Variants in PRKCI observed in about 807,000 individuals in gnomAD.
The protein encoded by PRKCI is protein kinase C iota, also known as protein kinase C iota type.
Under a neutral mutation model 84.0 loss-of-function variants are expected in PRKCI, and 43 were observed. The observed-to-expected ratio is 0.51, with a 90% CI of 0.40 to 0.66. PRKCI has a LOEUF of 0.66. Ranked by LOEUF, PRKCI falls within the 30% of genes least tolerant of loss-of-function variation. The probability of loss-of-function intolerance (pLI) is 0.00; values close to 1 mark genes in which losing one functional copy is unlikely to be tolerated. For missense variants in PRKCI, 459 were observed against 745.6 expected, an observed-to-expected ratio of 0.62 and a Z score of 4.48; for synonymous variants, 216 against 234.4, an observed-to-expected ratio of 0.92 and a Z score of 0.72.
chr3:170,249,382 CAGAGAGAGAGAGAGAAAGGAG>C (rs925605979), intron 2 of PRKCI, among the ~76,000 whole-genome samples: 2 of 149,818 alleles, frequency 1.3e-5, no homozygotes, highest in Non-Finnish European at 3.0e-5. Context: ...TCATTTACGA[CAGAGAGAGAGAGAGAAAGGAG>C]AGAGAGAGAG....
At chr3:170,293,805 C>T (rs563546530) in intron 14 of PRKCI, among the ~76,000 whole-genome samples, 9 of 151,990 alleles carry the variant, frequency 5.9e-5, no homozygotes, top group South Asian at 4.2e-4. Flanking sequence ...GGCACACTCC[C>T]GAGTAACTGG....
chr3:170,229,559 A>T (rs2108834507), intron 1 of PRKCI, among the ~76,000 whole-genome samples: 1 of 152,344 alleles, frequency 6.6e-6, no homozygotes. Context: ...GGCCTCTCAA[A>T]GTGTAGAAAT....
intron 8 of PRKCI, among the ~76,000 whole-genome samples, chr3:170,279,842 T>C (rs1339685070): frequency 3.9e-5 from 6 of 152,318 alleles, no homozygotes; most frequent in African/African-American, 1.2e-4. Context: ...GTCAATCTTA[T>C]CCTAGCCACA....
intron 10 of PRKCI, 137 bp from the exon 11 acceptor site, chr3:170,281,745 T>C: frequency 8.1e-7 from 1 of 1,240,046 alleles, no homozygotes; most frequent in East Asian, 2.6e-5. Flanking sequence ...AGATACCCTT[T>C]GTTTCCACCA....
chr3:170,292,763 C>T (rs1040928825), intron 13 of PRKCI, among the ~76,000 whole-genome samples: 16 of 149,796 alleles, frequency 1.1e-4, no homozygotes. Flanking sequence ...AACATATAGC[C>T]GGGCGCGGTG....
intron 1 of PRKCI, among the ~76,000 whole-genome samples, chr3:170,230,572 C>A (rs981949979): frequency 1.3e-5 from 2 of 152,242 alleles, no homozygotes; most frequent in African/African-American, 4.8e-5. Flanking sequence ...TCAAGTGATT[C>A]ACCCGCTGTG....
chr3:170,269,649 AAAAT>A (rs1179610613), intron 5 of PRKCI, among the ~76,000 whole-genome samples: 3 of 152,062 alleles, frequency 2.0e-5, no homozygotes, highest in Non-Finnish European at 2.9e-5. Context: ...CTGTCTCTTA[AAAAT>A]AAATAAATAA....
intron 8 of PRKCI, among the ~76,000 whole-genome samples, chr3:170,278,280 C>G (rs977687934): frequency 3.3e-5 from 5 of 152,214 alleles, no homozygotes; most frequent in African/African-American, 1.2e-4. Context: ...TTACACTTCT[C>G]TTCTTTCTTA....
intron 2 of PRKCI, among the ~76,000 whole-genome samples, chr3:170,251,500 C>T (rs1733443728): frequency 6.6e-6 from 1 of 152,066 alleles, no homozygotes; most frequent in South Asian, 2.1e-4. Flanking sequence ...TATAAATAGT[C>T]AATTCATAAA....
intron 1 of PRKCI, among the ~76,000 whole-genome samples, chr3:170,229,718 G>T (rs1395030681): frequency 6.6e-6 from 1 of 152,122 alleles, no homozygotes; most frequent in African/African-American, 2.4e-5. Context: ...TGTAAATATG[G>T]TCAAAGATAT....
Position 170,281,906 on chromosome 3 carries a change from A to G in PRKCI, c.1005A>G (p.Val335=). The G allele has an allele frequency of 1.2e-6, 2 of 1,611,286 alleles. No homozygotes were observed. The highest frequency in any genetic ancestry group is 1.7e-6 in the Non-Finnish European group (2 of 1,178,710). The change falls in exon 11 of 18, where the codon GTA becomes GTG. Residue 335 remains valine (V), a synonymous_variant. Coordinates refer to ENST00000295797, the MANE Select transcript of PRKCI (RefSeq NM_002740.6). Reference sequence around the variant, plus strand: ...GATTGTTCTTTGTTATAGAGTATGTAAATGGAGGAGACCTAATGTTTCATA... The same window carrying G: ...GATTGTTCTTTGTTATAGAGTATGTGAATGGAGGAGACCTAATGTTTCATA... ...ESRLFFVIEY[V]NGGDLMFHMQ... is the part of the protein sequence containing the mutation.
rs184132731 is a variant in PRKCI at position 170,257,168 on chromosome 3, T to G, written c.224-2801T>G. Among the ~76,000 whole-genome samples the G allele has an allele frequency of 3.2e-3, 486 of 152,326 alleles. 1 individual carries two copies. The highest frequency in any genetic ancestry group is 0.01 in the African/African-American group (429 of 41,584). The stretch of plus-strand genomic sequence containing the variant: ...GTGGGTATATAGGGGAAAACAACAT[T>G]TTGAAATATGTTTCAAATTTTCCAG... On this transcript the variant is annotated intron_variant, in intron 2 of 17. Coordinates refer to ENST00000295797, the MANE Select transcript of PRKCI (RefSeq NM_002740.6).
intron 2 of PRKCI, among the ~76,000 whole-genome samples, chr3:170,259,160 A>G (rs1368688749): frequency 6.6e-6 from 1 of 152,156 alleles, no homozygotes; most frequent in African/African-American, 2.4e-5. Context: ...AAAAGAAAAA[A>G]AATGTGGTCA....
chr3:170,256,993 G>A (rs936745989), intron 2 of PRKCI, among the ~76,000 whole-genome samples: 1 of 151,886 alleles, frequency 6.6e-6, no homozygotes, highest in East Asian at 1.9e-4. Flanking sequence ...AGTCCATCTT[G>A]TTACTGATTT....
At chr3:170,275,635 T>G (rs2108856278) in intron 8 of PRKCI, among the ~76,000 whole-genome samples, 1 of 152,290 alleles carries the variant, frequency 6.6e-6, no homozygotes, top group East Asian at 1.9e-4. Context: ...AATAAATGAT[T>G]AAACATATTA....
intron 1 of PRKCI, among the ~76,000 whole-genome samples, chr3:170,234,856 G>A (rs1230167875): frequency 6.6e-6 from 1 of 151,706 alleles, no homozygotes; most frequent in African/African-American, 2.4e-5. Context: ...AGGCTGGAGT[G>A]CAGTGATGTG....
In PRKCI at chr3:170,292,254, A is replaced by G. The variant is rs546941233; in HGVS notation, c.1291+313A>G. Reference sequence around the variant, plus strand: ...TTAACAACCCTGTGAGGTAAGTACTATTAATTCTCCTTTTACAGTTGAAGA... The same window carrying G: ...TTAACAACCCTGTGAGGTAAGTACTGTTAATTCTCCTTTTACAGTTGAAGA... On this transcript the variant is annotated intron_variant, in intron 13 of 17. Coordinates refer to ENST00000295797, the MANE Select transcript of PRKCI (RefSeq NM_002740.6). Among the ~76,000 whole-genome samples, 12 of 152,300 alleles carry G rather than the reference A, an allele frequency of 7.9e-5. No individual in the cohort carries two copies. The South Asian group carries it at 1.4e-3, about 18-fold the overall frequency.
intron 5 of PRKCI, among the ~76,000 whole-genome samples, chr3:170,268,479 C>CAAAAAAA (rs77046182): frequency 9.0e-5 from 6 of 66,708 alleles, no homozygotes; most frequent in African/African-American, 2.3e-4. Flanking sequence ...GACTCAGTTT[C>CAAAAAAA]AAAAAAAAAA....
At chr3:170,263,917 T>C (rs1157918112) in intron 4 of PRKCI, among the ~76,000 whole-genome samples, 12 of 152,238 alleles carry the variant, frequency 7.9e-5, no homozygotes, top group Admixed American at 7.2e-4. Flanking sequence ...CAAATTCAGA[T>C]AGTTCTTAGT....
Sources: gnomAD v4.1 joint callset for allele counts (sites outside exome capture counted in the v4.1 genomes callset) on GRCh38, gnomAD v4.1.1 for gene constraint, MANE v1.5 for transcripts, NCBI Gene and HGNC (gene_info 2026-07-23, HGNC 2026-07-21) for gene names.